IQGAP3: variants seen among roughly 807,000 people sequenced by gnomAD.
IQGAP3 encodes ras GTPase-activating-like protein IQGAP3.
In IQGAP3, 165 loss-of-function variants were observed where a neutral mutation model predicts 208.2. The ratio of observed to expected loss-of-function variants is 0.79; its 90% CI spans 0.70 to 0.90. The LOEUF is 0.90. Among genes scored for constraint, IQGAP3 ranks in the 40% least tolerant of loss-of-function variants. The probability of loss-of-function intolerance (pLI) is 0.00; values close to 1 mark genes in which losing one functional copy is unlikely to be tolerated. For synonymous variants in IQGAP3, 703 were observed against 803.6 expected (o/e 0.87, Z 2.12); for missense variants, 1,811 against 2,043.1 (o/e 0.89, Z 2.19).
chr1:156,549,552 G>A (rs1334119283), intron 16 of IQGAP3, among the ~76,000 whole-genome samples: 4 of 152,092 alleles, frequency 2.6e-5, no homozygotes, highest in African/African-American at 7.2e-5. Context: ...GGAATCCGAG[G>A]TGGGAGGATT....
In IQGAP3 at chr1:156,540,986, G is replaced by A. The variant is rs116169390; in HGVS notation, c.2531-70C>T. The stretch of plus-strand genomic sequence containing the variant: ...GAGGCCTCCTCACCAGCCCCTGCCC[G>A]AGTCAGCCCACCCCAGTCCCCGTTC... On this transcript the variant is annotated intron_variant, in intron 22 of 37. Transcript: ENST00000361170. 1.9e-3 allele frequency: 2,457 copies of A among 1,285,006 alleles called. 41 individuals carry two copies. The African/African-American group carries it at 0.03, about 16-fold the overall frequency. The allele number at this position is 1,285,006 out of a possible 1,614,324, so 79.6% of individuals were successfully genotyped here.
chr1:156,534,553 G>C lies in IQGAP3; in HGVS notation c.3688C>G (p.Gln1230Glu), dbSNP rs772042464. 34 of 1,609,962 alleles carry C rather than the reference G, an allele frequency of 2.1e-5. No homozygotes were observed. The South Asian group carries it at 3.7e-4, about 18-fold the overall frequency. Reference sequence around the variant, plus strand: ...TAGTCATTCAGGACCCGTAGGTGCTGGCTCTGCCCAGAGAAGGCCTTGCCA... The same window carrying C: ...TAGTCATTCAGGACCCGTAGGTGCTCGCTCTGCCCAGAGAAGGCCTTGCCA... Reference protein sequence around the residue: ...AAGKAFSGQSQHLRVLNDYLE... With the variant: ...AAGKAFSGQSEHLRVLNDYLE... Residue 1230 changes from glutamine (Q) to glutamate (E), a missense_variant, in exon 29 of 38, where the codon CAG becomes GAG. By Grantham distance (29) the Gln-to-Glu change is conservative. Coordinates refer to ENST00000361170, the MANE Select transcript of IQGAP3 (RefSeq NM_178229.5).
intron 37 of IQGAP3, among the ~76,000 whole-genome samples, chr1:156,527,500 C>T (rs1422056969): frequency 6.6e-6 from 1 of 151,968 alleles, no homozygotes; most frequent in Non-Finnish European, 1.5e-5. Context: ...AAACAAAAAC[C>T]CAAAAAAGCA....
At position 156,528,034 on chromosome 1, in the gene IQGAP3, G is replaced by A. The variant is rs561559322; in HGVS notation, c.4700C>T (p.Thr1567Met). Reference sequence around the variant, plus strand: ...AAACTTTCCTGCCTCATCTCCCGGCGTGATGTCAAAGATGACGTTTCTGAA... The same window carrying A: ...AAACTTTCCTGCCTCATCTCCCGGCATGATGTCAAAGATGACGTTTCTGAA... ...SHFRNVIFDI[T>M]PGDEAGKFEV... The change falls in exon 37 of 38, where the codon ACG becomes ATG. Residue 1567 changes from threonine to methionine, a missense_variant. Thr to Met is a moderately conservative substitution (Grantham distance 81). Coordinates refer to ENST00000361170, the MANE Select transcript of IQGAP3 (RefSeq NM_178229.5). 3.1e-5 allele frequency: 50 copies of A among 1,614,028 alleles called. No individual in the cohort carries two copies. Among genetic ancestry groups the A allele is most frequent in the Admixed American group, 1.3e-4 (8 of 60,006 alleles).
At chr1:156,531,291 G>T in intron 32 of IQGAP3, 44 bp from the exon 33 acceptor site, 1 of 1,471,540 alleles carries the variant, frequency 6.8e-7, no homozygotes, top group Non-Finnish European at 9.5e-7. Context: ...AGGGGCAGGG[G>T]AAGGGCCTGG....
intron 13 of IQGAP3, among the ~76,000 whole-genome samples, chr1:156,553,419 A>C (rs143758270): frequency 6.6e-6 from 1 of 152,280 alleles, no homozygotes; most frequent in African/African-American, 2.4e-5. Context: ...GCCTCATGGC[A>C]ATCATTTATG....
chr1:156,534,154 C>T lies in IQGAP3; in HGVS notation c.3741-13G>A, dbSNP rs202050623. On this transcript the variant is annotated splice_polypyrimidine_tract_variant and intron_variant, in intron 29 of 37. Coordinates refer to ENST00000361170, the MANE Select transcript of IQGAP3 (RefSeq NM_178229.5). Reference sequence around the variant, plus strand: ...ATGGATGAACTTCCTGTCCAGAGGGCGGGCATGTGAGAGAGCGGGGAGGGC... The same window carrying T: ...ATGGATGAACTTCCTGTCCAGAGGGTGGGCATGTGAGAGAGCGGGGAGGGC... 680 of 1,612,664 alleles carry T rather than the reference C, an allele frequency of 4.2e-4. 1 individual carries two copies. Among genetic ancestry groups the T allele is most frequent in the Non-Finnish European group, 5.4e-4 (639 of 1,180,008 alleles).
At chr1:156,547,680 C>T (rs1396344925) in intron 19 of IQGAP3, among the ~76,000 whole-genome samples, 1 of 152,146 alleles carries the variant, frequency 6.6e-6, no homozygotes, top group Admixed American at 6.5e-5. Flanking sequence ...TGGATAGTGA[C>T]GATAATGATA....
At position 156,535,144 on chromosome 1, in the gene IQGAP3, G is replaced by A. The variant is rs753529942; in HGVS notation, c.3507+19C>T. The A allele has an allele frequency of 6.4e-7, 1 of 1,571,062 alleles. No homozygotes were observed. The highest frequency in any genetic ancestry group is 1.7e-5 in the Admixed American group (1 of 59,788). On this transcript the variant is annotated intron_variant, in intron 28 of 37. Transcript: ENST00000361170. ...GCAAAGGAGGGATTGGGAGGTGGGG[G>A]TGGGGAGACAACACTTGCCTTATAG...
In IQGAP3 at chr1:156,526,608, G is replaced by A. The variant is rs1266864758; in HGVS notation, c.4783-9C>T. 8 of 1,599,380 alleles carry A rather than the reference G, an allele frequency of 5.0e-6. No homozygotes were observed. Among genetic ancestry groups the A allele is most frequent in the Non-Finnish European group, 6.9e-6 (8 of 1,166,750 alleles). Reference sequence around the variant, plus strand: ...TGGAGCTGCAGGAGATCCTAGGAGGGAAGAGGCAGGGAGGGGAGTTTAAGG... The same window carrying A: ...TGGAGCTGCAGGAGATCCTAGGAGGAAAGAGGCAGGGAGGGGAGTTTAAGG... On this transcript the variant is annotated splice_polypyrimidine_tract_variant and intron_variant, in intron 37 of 37. Transcript: ENST00000361170.
intron 28 of IQGAP3, 29 bp from the exon 29 acceptor site, chr1:156,534,762 T>C: frequency 6.9e-7 from 1 of 1,451,730 alleles, no homozygotes; most frequent in Non-Finnish European, 9.2e-7. Flanking sequence ...CTCCCAGAAG[T>C]GTCCAGGGGC....
intron 14 of IQGAP3, 48 bp from the exon 15 acceptor site, chr1:156,551,916 C>T (rs767955333): frequency 6.3e-7 from 1 of 1,599,228 alleles, no homozygotes; most frequent in Non-Finnish European, 8.5e-7. Context: ...GACTTAATGG[C>T]TAAGGGACAG....
At position 156,533,106 on chromosome 1, in the gene IQGAP3, C is replaced by A. The variant is rs766156848; in HGVS notation, c.3977G>T (p.Gly1326Val). ...GELPTIPDLI[G>V]ESIAADGHTD... is the part of the protein sequence containing the mutation. ...GTGCCCATCTGCAGCGATGCTCTCA[C>A]CTGAGGTGTGGTGAGGAATGAGAGG... Residue 1326 changes from glycine (G) to valine (V), a missense_variant and splice_region_variant, in exon 32 of 38, where the codon GGT becomes GTT. Gly to Val is a moderately radical substitution (Grantham distance 109). Transcript: ENST00000361170. 26 of 1,613,920 alleles carry A rather than the reference C, an allele frequency of 1.6e-5. No individual in the cohort carries two copies. The highest frequency in any genetic ancestry group is 2.2e-5 in the Non-Finnish European group (26 of 1,179,884).
chr1:156,563,057 G>A (rs1159271098), intron 8 of IQGAP3, 77 bp downstream of exon 8: 2 of 1,273,622 alleles, frequency 1.6e-6, no homozygotes, highest in African/African-American at 3.0e-5. Context: ...AGACATGACA[G>A]ATAGGAGTCC....
At chr1:156,533,216 A>C in intron 31 of IQGAP3, 110 bp from the exon 32 acceptor site, 1 of 1,386,440 alleles carries the variant, frequency 7.2e-7, no homozygotes, top group Non-Finnish European at 1.0e-6. Context: ...CAGCTGCTCC[A>C]CATGCCCCTC....
In IQGAP3 at chr1:156,531,251, C is replaced by A. The variant is rs781420607; in HGVS notation, c.4104-4G>T. The A allele has an allele frequency of 9.3e-6, 15 of 1,612,168 alleles. No individual in the cohort carries two copies. The highest frequency in any genetic ancestry group is 1.3e-5 in the Non-Finnish European group (15 of 1,178,560). On this transcript the variant is annotated splice_region_variant and splice_polypyrimidine_tract_variant and intron_variant, in intron 32 of 37. Transcript: ENST00000361170. The stretch of plus-strand genomic sequence containing the variant: ...ATCGGCCAACAGCTGCTTGGTGCTG[C>A]ACAAGGAGGACAGTGACAGAGGAGA...
chr1:156,571,689 G>A (rs1676650371), intron 1 of IQGAP3, among the ~76,000 whole-genome samples: 2 of 152,300 alleles, frequency 1.3e-5, no homozygotes, highest in East Asian at 1.9e-4. Context: ...ATAAAAAACC[G>A]AAAAACAGTT....
chr1:156,544,558 T>G, intron 19 of IQGAP3, 86 bp from the exon 20 acceptor site: 2 of 1,122,260 alleles, frequency 1.8e-6, no homozygotes, highest in Non-Finnish European at 2.7e-6. Context: ...TCCTGGGCCC[T>G]CCAGGGAATG....
rs1265343288 is a variant in IQGAP3 at position 156,552,020 on chromosome 1, C to T, written c.1524G>A (p.Gln508=). ...GTGCATTGACCTGGCTCACGGTGGC[C>T]TGCAGGTCATTCCAGCTCAGGAAGT... ...GEDFLSWNDL[Q]ATVSQVNAQT... Residue 508 remains glutamine, a synonymous_variant, in exon 14 of 38, where the codon CAG becomes CAA. Transcript: ENST00000361170. 5.6e-6 allele frequency: 9 copies of T among 1,614,204 alleles called. No individual in the cohort carries two copies. Among genetic ancestry groups the T allele is most frequent in the Non-Finnish European group, 5.9e-6 (7 of 1,180,032 alleles).
Sources: gnomAD v4.1 joint callset for allele counts (sites outside exome capture counted in the v4.1 genomes callset) on GRCh38, gnomAD v4.1.1 for gene constraint, MANE v1.5 for transcripts, NCBI Gene and HGNC (gene_info 2026-07-23, HGNC 2026-07-21) for gene names.